The following TSC22D1 variants were observed in gnomAD, a reference collection of about 807,000 sequenced individuals.
TSC22D1 encodes the protein TSC22 domain family member 1, also known as TSC22 domain family protein 1.
Under a neutral mutation model 74.2 loss-of-function variants are expected in TSC22D1, and 9 were observed. The observed-to-expected ratio is 0.12, with a 90% CI of 0.07 to 0.21. The LOEUF (loss-of-function observed/expected upper bound fraction) is 0.21. Among genes scored for constraint, TSC22D1 ranks in the 10% least tolerant of loss-of-function variants. The pLI is 1.00. For synonymous variants in TSC22D1, 586 were observed against 492.5 expected (o/e 1.19, Z -2.51); for missense variants, 1,427 against 1,304.7 (o/e 1.09, Z -1.44).
intron 1 of TSC22D1, among the ~76,000 whole-genome samples, chr13:44,556,419 G>A (rs558095304): frequency 2.6e-5 from 4 of 151,828 alleles, no homozygotes; most frequent in East Asian, 1.9e-4. Context: ...AGTGGTGCAC[G>A]CCTGTACTTC....
At chr13:44,509,287 G>A (rs897224221) in intron 1 of TSC22D1, among the ~76,000 whole-genome samples, 3 of 152,180 alleles carry the variant, frequency 2.0e-5, no homozygotes, top group African/African-American at 7.2e-5. Context: ...AGGGTAGGAC[G>A]CTGGTGATGG....
chr13:44,523,223 G>A (rs1008898753), intron 1 of TSC22D1, among the ~76,000 whole-genome samples: 1 of 152,152 alleles, frequency 6.6e-6, no homozygotes, highest in Non-Finnish European at 1.5e-5. Flanking sequence ...GTACAGTCGA[G>A]TTGAGACAGT....
At chr13:44,556,728 T>C (rs1882665898) in intron 1 of TSC22D1, among the ~76,000 whole-genome samples, 1 of 151,702 alleles carries the variant, frequency 6.6e-6, no homozygotes, top group Admixed American at 6.6e-5. Context: ...TAGTTGGACG[T>C]GGTGACGCAC....
intron 1 of TSC22D1, among the ~76,000 whole-genome samples, chr13:44,462,043 T>C (rs1294237082): frequency 6.6e-6 from 1 of 152,154 alleles, no homozygotes; most frequent in Non-Finnish European, 1.5e-5. Context: ...GGGTTTCTGC[T>C]GGAGGGAGAG....
chr13:44,569,303 C>T (rs1055873285), intron 1 of TSC22D1, among the ~76,000 whole-genome samples: 3 of 151,838 alleles, frequency 2.0e-5, no homozygotes, highest in Admixed American at 6.6e-5. Flanking sequence ...ATGCTCCTAA[C>T]GAGCAGGCTA....
At chr13:44,483,707 A>C (rs1366337216) in intron 1 of TSC22D1, among the ~76,000 whole-genome samples, 1 of 152,006 alleles carries the variant, frequency 6.6e-6, no homozygotes, top group Non-Finnish European at 1.5e-5. Context: ...AAGATCTACA[A>C]AAATTGGCTG....
chr13:44,447,630 T>C (rs1043992796), intron 1 of TSC22D1, among the ~76,000 whole-genome samples: 6 of 152,044 alleles, frequency 3.9e-5, no homozygotes, highest in African/African-American at 1.4e-4. Flanking sequence ...TTTATTTATA[T>C]ACACCTATAT....
intron 1 of TSC22D1, among the ~76,000 whole-genome samples, chr13:44,447,612 T>C (rs1353317297): frequency 1.3e-5 from 2 of 152,056 alleles, no homozygotes; most frequent in Non-Finnish European, 2.9e-5. Flanking sequence ...TAGATTTAAA[T>C]ATAATCTTTT....
At chr13:44,475,379 A>G (rs1207846612) in intron 1 of TSC22D1, among the ~76,000 whole-genome samples, 1 of 152,060 alleles carries the variant, frequency 6.6e-6, no homozygotes, top group African/African-American at 2.4e-5. Flanking sequence ...GAACATTAGA[A>G]TAAAGCCTAA....
chr13:44,467,703 C>T (rs939545397), intron 1 of TSC22D1, among the ~76,000 whole-genome samples: 2 of 152,168 alleles, frequency 1.3e-5, no homozygotes, highest in African/African-American at 4.8e-5. Context: ...TGAGATACCA[C>T]CTTGCCCCAG....
intron 1 of TSC22D1, among the ~76,000 whole-genome samples, chr13:44,489,206 CAAAAAAAA>C (rs34867283): frequency 7.4e-6 from 1 of 134,690 alleles, no homozygotes; most frequent in Admixed American, 7.3e-5. Context: ...TCATTTCATG[CAAAAAAAA>C]AAAAAAAAAT....
chr13:44,556,054 G>A (rs1164577897), intron 1 of TSC22D1, among the ~76,000 whole-genome samples: 2 of 151,756 alleles, frequency 1.3e-5, no homozygotes, highest in Admixed American at 1.3e-4. Context: ...ACACAAGTAA[G>A]GCTTATATTA....
At chr13:44,512,336 ATT>A (rs1160828717) in intron 1 of TSC22D1, among the ~76,000 whole-genome samples, 1 of 151,246 alleles carries the variant, frequency 6.6e-6, no homozygotes, top group Non-Finnish European at 1.5e-5. Flanking sequence ...CGCCCGGCTA[ATT>A]TTTTGTATTT....
At chr13:44,446,225 C>G (rs1426729037) in intron 1 of TSC22D1, among the ~76,000 whole-genome samples, 1 of 152,104 alleles carries the variant, frequency 6.6e-6, no homozygotes, top group Non-Finnish European at 1.5e-5. Context: ...GAATGAATCT[C>G]AAATATATTA....
chr13:44,554,511 C>T (rs1262163653), intron 1 of TSC22D1, among the ~76,000 whole-genome samples: 1 of 151,484 alleles, frequency 6.6e-6, no homozygotes, highest in African/African-American at 2.4e-5. Flanking sequence ...AGACCAAAAC[C>T]ATGTCTTTTT....
chr13:44,538,067 A>T, intron 1 of TSC22D1: 2 of 985,330 alleles, frequency 2.0e-6, no homozygotes, highest in South Asian at 9.4e-5. Flanking sequence ...GCTTGGATAA[A>T]TAACTATTTT....
chr13:44,564,331 T>C (rs543106820), intron 1 of TSC22D1, among the ~76,000 whole-genome samples: 1 of 152,238 alleles, frequency 6.6e-6, no homozygotes, highest in South Asian at 2.1e-4. Flanking sequence ...CAGATAATCA[T>C]GAAAACAAAA....
intron 1 of TSC22D1, among the ~76,000 whole-genome samples, chr13:44,548,244 C>T (rs1037976982): frequency 2.0e-5 from 3 of 152,168 alleles, no homozygotes; most frequent in Non-Finnish European, 2.9e-5. Context: ...GGGCTGGGCG[C>T]GGTGGCGCAT....
In TSC22D1 at chr13:44,484,952, C is replaced by T. The variant is rs920095242; in HGVS notation, c.2913-48857G>A. Among the ~76,000 whole-genome samples the T allele has an allele frequency of 7.9e-5, 12 of 152,224 alleles. No homozygotes were observed. In the South Asian group the frequency reaches 8.3e-4, roughly 11 times the overall value. On this transcript the variant is annotated intron_variant, in intron 1 of 2. Transcript: ENST00000458659. ...CAGGAAGTCACTTAACTTTCAAATT[C>T]GATTTCCTCATTTACAAAATGAAAG...
Sources: allele counts gnomAD v4.1 joint callset (sites outside exome capture counted in the v4.1 genomes callset), GRCh38; gene constraint gnomAD v4.1.1; transcripts MANE v1.5; gene names NCBI Gene and HGNC (gene_info 2026-07-23, HGNC 2026-07-21).